HMCN1: variants seen among roughly 807,000 people sequenced by gnomAD.
The protein encoded by HMCN1 is hemicentin 1.
A neutral mutation model predicts 625.9 loss-of-function variants in HMCN1; 321 were observed. The ratio of observed to expected loss-of-function variants is 0.51; its 90% confidence interval spans 0.47 to 0.56. HMCN1 has a LOEUF of 0.56. Among genes scored for constraint, HMCN1 ranks in the 20% least tolerant of loss-of-function variants. The probability of loss-of-function intolerance (pLI) is 0.00; values close to 1 mark genes in which losing one functional copy is unlikely to be tolerated. For missense variants in HMCN1, 6,588 were observed against 6,887.3 expected (o/e 0.96, Z 1.54); for synonymous variants, 2,425 against 2,417.6 (o/e 1.00, Z -0.09).
intron 35 of HMCN1, among the ~76,000 whole-genome samples, chr1:186,022,050 T>C (rs982206809): frequency 2.6e-5 from 4 of 151,968 alleles, no homozygotes; most frequent in African/African-American, 9.7e-5. Flanking sequence ...CAATCAGAAG[T>C]AGACTTTAGA....
chr1:186,155,043 G>T (rs1650906735), intron 97 of HMCN1, among the ~76,000 whole-genome samples: 1 of 152,168 alleles, frequency 6.6e-6, no homozygotes, highest in South Asian at 2.1e-4. Flanking sequence ...CATTGACCTT[G>T]TCAATGTGTT....
chr1:186,108,584 G>C lies in HMCN1; in HGVS notation c.10976G>C (p.Gly3659Ala), dbSNP rs1289117956. The C allele has an allele frequency of 3.7e-6, 6 of 1,613,966 alleles. No homozygotes were observed. The Admixed American group carries it at 1.0e-4, about 27-fold the overall frequency. The change falls in exon 71 of 107, where the codon GGA becomes GCA. Residue 3659 changes from glycine to alanine, a missense_variant. Around this residue, in one of 3 missense-constraint regions of HMCN1, gnomAD observed 4,628 missense variants for 4,853.1 expected, o/e 0.95. Coordinates refer to ENST00000271588, the MANE Select transcript of HMCN1 (RefSeq NM_031935.3). ...CCTGTAATTACTTGGCTCAGAAATG[G>C]AGAACGGTTACAGGTAAATTTTTTG... ...PPPVITWLRN[G>A]ERLQATPRVR...
chr1:186,147,179 GAC>G (rs1028484040), intron 93 of HMCN1, among the ~76,000 whole-genome samples: 1 of 152,176 alleles, frequency 6.6e-6, no homozygotes, highest in African/African-American at 2.4e-5. Flanking sequence ...ACAAAAGAGT[GAC>G]ACATACTCTG....
At chr1:185,953,636 T>A (rs1415692186) in intron 11 of HMCN1, among the ~76,000 whole-genome samples, 1 of 151,596 alleles carries the variant, frequency 6.6e-6, no homozygotes, top group Non-Finnish European at 1.5e-5. Flanking sequence ...ATTGGTGAGA[T>A]GTTTCTTGGG....
intron 1 of HMCN1, among the ~76,000 whole-genome samples, chr1:185,791,178 T>C (rs1332270942): frequency 6.6e-6 from 1 of 152,180 alleles, no homozygotes; most frequent in African/African-American, 2.4e-5. Flanking sequence ...CAGCTCGTTT[T>C]CATGTTTATC....
intron 1 of HMCN1, among the ~76,000 whole-genome samples, chr1:185,834,552 A>G (rs948155155): frequency 6.6e-6 from 1 of 152,196 alleles, no homozygotes; most frequent in Non-Finnish European, 1.5e-5. Flanking sequence ...TTTTCATCAG[A>G]GAGCAAGAGA....
chr1:185,775,627 G>C (rs368700296), intron 1 of HMCN1, among the ~76,000 whole-genome samples: 33 of 152,298 alleles, frequency 2.2e-4, no homozygotes, highest in Middle Eastern at 3.4e-3. Flanking sequence ...AGTTGTTTAG[G>C]AGTCAAATAA....
chr1:185,888,307 G>A (rs1390439369), intron 4 of HMCN1, among the ~76,000 whole-genome samples: 6 of 133,986 alleles, frequency 4.5e-5, no homozygotes, highest in East Asian at 4.1e-4. Flanking sequence ...AAGCTCTTTA[G>A]TTTAATTAGA....
intron 40 of HMCN1, 98 bp downstream of exon 40, chr1:186,041,234 A>G: frequency 1.9e-6 from 2 of 1,040,092 alleles, no homozygotes; most frequent in South Asian, 2.6e-5. Flanking sequence ...ATAAAGAACA[A>G]TGAACCTTAG....
At chr1:185,778,474 C>T (rs1294281067) in intron 1 of HMCN1, among the ~76,000 whole-genome samples, 1 of 150,076 alleles carries the variant, frequency 6.7e-6, no homozygotes, top group African/African-American at 2.5e-5. Flanking sequence ...TTAGATATAT[C>T]TCCTAATGCT....
At chr1:185,895,184 G>A (rs946067526) in intron 4 of HMCN1, among the ~76,000 whole-genome samples, 10 of 152,142 alleles carry the variant, frequency 6.6e-5, no homozygotes, top group Admixed American at 1.3e-4. Context: ...GAACCTCACC[G>A]ATGCTGCAAC....
chr1:185,858,640 G>A (rs1294127708), intron 2 of HMCN1, among the ~76,000 whole-genome samples: 3 of 87,964 alleles, frequency 3.4e-5, no homozygotes, highest in African/African-American at 9.4e-5. Flanking sequence ...TTTTAGAGAC[G>A]GGGATTTCCT....
At chr1:185,917,648 A>T (rs1426683389) in intron 6 of HMCN1, among the ~76,000 whole-genome samples, 4 of 152,184 alleles carry the variant, frequency 2.6e-5, no homozygotes, top group African/African-American at 9.6e-5. Flanking sequence ...AACCTACAAA[A>T]CCTACACTTA....
chr1:186,136,146 A>G (rs1174951748), intron 86 of HMCN1, among the ~76,000 whole-genome samples: 1 of 150,772 alleles, frequency 6.6e-6, no homozygotes, highest in Non-Finnish European at 1.5e-5. Context: ...ATTGCACTCC[A>G]GCCTGGGTGA....
chr1:185,803,157 TA>T (rs1425640082), intron 1 of HMCN1, among the ~76,000 whole-genome samples: 1 of 95,926 alleles, frequency 1.0e-5, no homozygotes, highest in African/African-American at 3.5e-5. Flanking sequence ...GTATCTTTTT[TA>T]GTAAATGCCT....
chr1:186,073,541 A>T (rs1486543807), intron 52 of HMCN1, among the ~76,000 whole-genome samples: 1 of 152,130 alleles, frequency 6.6e-6, no homozygotes, highest in South Asian at 2.1e-4. Context: ...TAGGTGAGAG[A>T]AACACAGTTG....
intron 4 of HMCN1, among the ~76,000 whole-genome samples, chr1:185,868,951 T>C (rs2102365442): frequency 6.6e-6 from 1 of 152,306 alleles, no homozygotes; most frequent in South Asian, 2.1e-4. Flanking sequence ...GAGAGAAGCA[T>C]TGCTAAAGTT....
chr1:186,107,331 C>T (rs1660657975), intron 70 of HMCN1, among the ~76,000 whole-genome samples: 1 of 152,118 alleles, frequency 6.6e-6, no homozygotes. Context: ...GGGGGCAGTT[C>T]ATGGATTGTT....
In HMCN1 at chr1:185,749,459, A is replaced by T. The variant is rs116260598; in HGVS notation, c.268+14412A>T. Among the ~76,000 whole-genome samples the T allele has an allele frequency of 8.3e-3, 1,257 of 152,278 alleles. 12 individuals are homozygous for T. Among genetic ancestry groups the T allele is most frequent in the Middle Eastern group, 0.027 (8 of 294 alleles). On this transcript the variant is annotated intron_variant, in intron 1 of 106. Coordinates refer to ENST00000271588, the MANE Select transcript of HMCN1 (RefSeq NM_031935.3). Reference sequence around the variant, plus strand: ...AACCTACTGCCTGCTTAAATCTTCAAAGGGCATCTAATAAGTACCTCACGT... The same window carrying T: ...AACCTACTGCCTGCTTAAATCTTCATAGGGCATCTAATAAGTACCTCACGT...
Sources: allele counts gnomAD v4.1 joint callset (sites outside exome capture counted in the v4.1 genomes callset), GRCh38; gene constraint gnomAD v4.1.1; regional missense constraint gnomAD v4.1.1; transcripts MANE v1.5; gene names NCBI Gene and HGNC (gene_info 2026-07-23, HGNC 2026-07-21).